The following MARCHF1 variants were observed in gnomAD, a reference collection of about 807,000 sequenced individuals.
MARCHF1 encodes the protein membrane associated ring-CH-type finger 1, also known as E3 ubiquitin-protein ligase MARCHF1.
A neutral mutation model predicts 54.2 loss-of-function variants in MARCHF1; 40 were observed. The observed-to-expected ratio is 0.74, with a 90% CI of 0.57 to 0.96. The LOEUF (loss-of-function observed/expected upper bound fraction) is 0.96, where lower values mean the gene tolerates loss of function less well. Among genes scored for constraint, MARCHF1 ranks in the 40% least tolerant of loss-of-function variants. The probability of loss-of-function intolerance (pLI) is 0.00; values close to 1 mark genes in which losing one functional copy is unlikely to be tolerated. For missense variants in MARCHF1, 586 were observed against 656.5 expected (o/e 0.89, Z 1.17); for synonymous variants, 236 against 236.3 (o/e 1.00, Z 0.01).
intron 2 of MARCHF1, among the ~76,000 whole-genome samples, chr4:164,039,353 A>T (rs975998360): frequency 6.6e-6 from 1 of 152,220 alleles, no homozygotes; most frequent in Non-Finnish European, 1.5e-5. Context: ...CAATAAAGTT[A>T]CACAGAAAGA....
In MARCHF1 at chr4:164,338,314, C is replaced by G. The variant is rs182607102; in HGVS notation, c.-323+45556G>C. Among the ~76,000 whole-genome samples, 540 of 152,030 alleles carry G rather than the reference C, an allele frequency of 3.6e-3. 5 individuals are homozygous for G. Among genetic ancestry groups the G allele is most frequent in the African/African-American group, 0.012 (518 of 41,496 alleles). The stretch of plus-strand genomic sequence containing the variant: ...AGGAAAGAATCAAAGCATACCATTA[C>G]AGAAAATTATAAAATCACAAAGGAA... On this transcript the variant is annotated intron_variant, in intron 1 of 9. Transcript: ENST00000514618.
chr4:163,649,594 T>C (rs1484224587), intron 5 of MARCHF1, among the ~76,000 whole-genome samples: 3 of 151,996 alleles, frequency 2.0e-5, no homozygotes, highest in African/African-American at 7.2e-5. Context: ...ACCCCAGAAG[T>C]ACTTCATCAC....
chr4:163,572,687 G>T (rs2110761835), intron 8 of MARCHF1, among the ~76,000 whole-genome samples: 1 of 152,210 alleles, frequency 6.6e-6, no homozygotes, highest in South Asian at 2.1e-4. Context: ...AAGCACTGTT[G>T]TGTTATAGGT....
intron 1 of MARCHF1, among the ~76,000 whole-genome samples, chr4:164,335,587 A>G (rs1339506941): frequency 6.6e-6 from 1 of 151,038 alleles, no homozygotes; most frequent in Non-Finnish European, 1.5e-5. Context: ...ATCTCAAAAA[A>G]AAAAAAAAAA....
At chr4:164,244,925 G>A (rs1306587068) in intron 1 of MARCHF1, among the ~76,000 whole-genome samples, 1 of 152,154 alleles carries the variant, frequency 6.6e-6, no homozygotes, top group East Asian at 1.9e-4. Flanking sequence ...TTGAATCTCT[G>A]AATAGACCAA....
At chr4:163,724,667 C>G (rs1745594675) in intron 4 of MARCHF1, among the ~76,000 whole-genome samples, 1 of 152,198 alleles carries the variant, frequency 6.6e-6, no homozygotes, top group Admixed American at 6.5e-5. Context: ...CCAGTTCAAG[C>G]TTCCTGCCAC....
intron 2 of MARCHF1, among the ~76,000 whole-genome samples, chr4:164,096,811 A>G (rs1286653081): frequency 6.6e-6 from 1 of 152,184 alleles, no homozygotes; most frequent in Non-Finnish European, 1.5e-5. Flanking sequence ...TGCAAAAAAG[A>G]TCATTTTTTA....
intron 5 of MARCHF1, among the ~76,000 whole-genome samples, chr4:163,634,104 C>T (rs1742217366): frequency 6.6e-6 from 1 of 152,140 alleles, no homozygotes; most frequent in Non-Finnish European, 1.5e-5. Flanking sequence ...AAGCACTAAA[C>T]ATGGAAAGGA....
intron 4 of MARCHF1, among the ~76,000 whole-genome samples, chr4:163,730,483 G>T (rs191531764): frequency 6.6e-6 from 1 of 151,952 alleles, no homozygotes; most frequent in Non-Finnish European, 1.5e-5. Flanking sequence ...GTTGAAAAGC[G>T]GACATGTGAA....
chr4:163,918,964 A>C (rs1357855438), intron 3 of MARCHF1, among the ~76,000 whole-genome samples: 1 of 151,946 alleles, frequency 6.6e-6, no homozygotes, highest in Non-Finnish European at 1.5e-5. Flanking sequence ...AAACTAAGAG[A>C]AATGTAAATT....
At position 164,112,210 on chromosome 4, in the gene MARCHF1, C is replaced by A. The variant is rs151222718; in HGVS notation, c.-322-548G>T. On this transcript the variant is annotated intron_variant, in intron 1 of 9. Transcript: ENST00000514618. ...TCCTTATGTAATCTAAGCAGCACAT[C>A]AGGAGGAAATATCCACAAGCCATGT... Among the ~76,000 whole-genome samples the A allele has an allele frequency of 1.4e-3, 206 of 151,962 alleles. 2 individuals are homozygous for A. Among genetic ancestry groups the A allele is most frequent in the African/African-American group, 4.4e-3 (182 of 41,538 alleles).
intron 3 of MARCHF1, among the ~76,000 whole-genome samples, chr4:163,886,920 C>T (rs890004301): frequency 6.6e-6 from 1 of 152,048 alleles, no homozygotes; most frequent in African/African-American, 2.4e-5. Context: ...ATATTCCTAC[C>T]CAAATTCTCC....
At chr4:164,143,736 C>T (rs990598870) in intron 1 of MARCHF1, among the ~76,000 whole-genome samples, 1 of 152,092 alleles carries the variant, frequency 6.6e-6, no homozygotes, top group African/African-American at 2.4e-5. Context: ...ATGTAAAGAC[C>T]ATAGAGACTA....
intron 5 of MARCHF1, among the ~76,000 whole-genome samples, chr4:163,679,801 A>C (rs1351052041): frequency 6.6e-6 from 1 of 151,052 alleles, no homozygotes; most frequent in Non-Finnish European, 1.5e-5. Flanking sequence ...TTTAGTAGAG[A>C]CGGGGTTTCA....
chr4:163,751,133 TTGTGTGTGTGTGTGTGTG>T (rs70948664), intron 4 of MARCHF1, among the ~76,000 whole-genome samples: 13 of 147,380 alleles, frequency 8.8e-5, no homozygotes, highest in East Asian at 4.1e-4. Flanking sequence ...TATTACCACT[TTGTGTGTGTGTGTGTGTG>T]TGTGTGTGTG....
At chr4:164,189,074 C>G (rs1332756676) in intron 1 of MARCHF1, 1 of 687,492 alleles carries the variant, frequency 1.5e-6, no homozygotes, top group African/African-American at 1.8e-5. Flanking sequence ...TTCAATGCGT[C>G]TCCTCTCACC....
At position 163,638,628 on chromosome 4, in the gene MARCHF1, A is replaced by G. The variant is rs113301558; in HGVS notation, c.163-25235T>C. Among the ~76,000 whole-genome samples, 1,323 of 152,218 alleles carry G rather than the reference A, an allele frequency of 8.7e-3. 15 individuals are homozygous for G. The highest frequency in any genetic ancestry group is 0.03 in the African/African-American group (1,244 of 41,542). ...TTTCTATATAGCAACACAAGAAAGG[A>G]AAATAATTCCCCTTCTGAGTAATTC... On this transcript the variant is annotated intron_variant, in intron 5 of 9. Coordinates refer to ENST00000514618, the MANE Select transcript of MARCHF1 (RefSeq NM_001394959.1).
chr4:163,948,218 G>C (rs547238793), intron 3 of MARCHF1, among the ~76,000 whole-genome samples: 1 of 152,128 alleles, frequency 6.6e-6, no homozygotes, highest in Non-Finnish European at 1.5e-5. Context: ...TATACTTTAC[G>C]TTTCAATGGT....
At chr4:164,333,503 T>C (rs1359854329) in intron 1 of MARCHF1, among the ~76,000 whole-genome samples, 1 of 152,192 alleles carries the variant, frequency 6.6e-6, no homozygotes, top group Non-Finnish European at 1.5e-5. Flanking sequence ...AAATTTTTGA[T>C]GTAATAATTG....
Sources: allele counts gnomAD v4.1 joint callset (sites outside exome capture counted in the v4.1 genomes callset), GRCh38; gene constraint gnomAD v4.1.1; transcripts MANE v1.5; gene names NCBI Gene and HGNC (gene_info 2026-07-23, HGNC 2026-07-21).